The following NAA16 variants were observed in gnomAD, a reference collection of about 807,000 sequenced individuals.
NAA16 encodes N-alpha-acetyltransferase 16, NatA auxiliary subunit, also known as NARG1-like protein.
A neutral mutation model predicts 110.3 loss-of-function variants in NAA16; 97 were observed. The ratio of observed to expected loss-of-function variants is 0.88; its 90% CI spans 0.75 to 1.04. The LOEUF (loss-of-function observed/expected upper bound fraction) is 1.04. Among genes scored for constraint, NAA16 ranks in the 50% least tolerant of loss-of-function variants. NAA16 has a pLI of 0.00. For synonymous variants in NAA16, 372 were observed against 330.6 expected (o/e 1.13, Z -1.36); for missense variants, 1,017 against 1,005.1 (o/e 1.01, Z -0.16).
chr13:41,317,332 T>C (rs1318147239), intron 2 of NAA16, among the ~76,000 whole-genome samples: 2 of 151,612 alleles, frequency 1.3e-5, no homozygotes, highest in African/African-American at 4.9e-5. Flanking sequence ...TAGATGTGTT[T>C]TGTTTTGTTT....
At chr13:41,319,916 G>A (rs1432532773) in intron 3 of NAA16, among the ~76,000 whole-genome samples, 2 of 127,054 alleles carry the variant, frequency 1.6e-5, no homozygotes, top group East Asian at 2.3e-4. Context: ...TTCACATATT[G>A]CCCTTGCATT....
chr13:41,350,114 T>A (rs1413713371), intron 9 of NAA16, among the ~76,000 whole-genome samples: 2 of 151,124 alleles, frequency 1.3e-5, no homozygotes, highest in African/African-American at 4.9e-5. Context: ...TACAAAAAAA[T>A]ACAAAAATCA....
rs74320455 is a variant in NAA16, at chr13:41,374,249, A to T, written c.2299+469A>T. Among the ~76,000 whole-genome samples the T allele has an allele frequency of 7.0e-3, 1,050 of 150,848 alleles. 16 individuals carry two copies. Among genetic ancestry groups the T allele is most frequent in the African/African-American group, 0.024 (970 of 40,828 alleles). Reference sequence around the variant, plus strand: ...TATAAACTGTGTTTCATTTTTTAAAATTTTACTTTCTTTTTGAATATGCAA... The same window carrying T: ...TATAAACTGTGTTTCATTTTTTAAATTTTTACTTTCTTTTTGAATATGCAA... On this transcript the variant is annotated intron_variant, in intron 18 of 19. Transcript: ENST00000379406.
chr13:41,370,519 G>T (rs1033497414), intron 15 of NAA16, among the ~76,000 whole-genome samples: 1 of 152,168 alleles, frequency 6.6e-6, no homozygotes, highest in Non-Finnish European at 1.5e-5. Context: ...TAACCCCTGA[G>T]CCTTGAAGGG....
rs141280582 is a variant in NAA16 at position 41,325,779 on chromosome 13, C to T, written c.619C>T (p.Gln207Ter). 2 of 1,606,556 alleles carry T rather than the reference C, an allele frequency of 1.2e-6. No individual in the cohort carries two copies. Among genetic ancestry groups the T allele is most frequent in the Non-Finnish European group, 1.7e-6 (2 of 1,174,380 alleles). ...NQVMREADLL[Q>*]ESLEHIEMYE... Reference sequence around the variant, plus strand: ...AGTGATGAGAGAGGCAGATCTGTTGCAGGAATCTTTGGAACATATAGAAAT... The same window carrying T: ...AGTGATGAGAGAGGCAGATCTGTTGTAGGAATCTTTGGAACATATAGAAAT... Residue 207 changes from glutamine to a stop codon, truncating the protein, a stop_gained, in exon 6 of 20, where the codon CAG becomes TAG. Coordinates refer to ENST00000379406, the MANE Select transcript of NAA16 (RefSeq NM_024561.5). LOFTEE classifies it high-confidence loss of function.
At chr13:41,348,652 C>T (rs2042747335) in intron 9 of NAA16, among the ~76,000 whole-genome samples, 1 of 152,042 alleles carries the variant, frequency 6.6e-6, no homozygotes, top group South Asian at 2.1e-4. Flanking sequence ...ATACTGGCCT[C>T]ATAATGAATT....
rs373356877 is a variant in NAA16, at chr13:41,328,449, TA to T, written c.692-273del. Among the ~76,000 whole-genome samples the T allele has an allele frequency of 5.1e-4, 77 of 152,282 alleles. 3 individuals are homozygous for T. The East Asian group carries it at 0.014, about 27-fold the overall frequency. On this transcript the variant is annotated intron_variant, in intron 6 of 19. Transcript: ENST00000379406. The stretch of plus-strand genomic sequence containing the variant: ...GTGTCTTTACTTATTTCAAAGAGTA[TA>T]AGATGTGTGTAATGCAAAAGTTTTT...
intron 12 of NAA16, among the ~76,000 whole-genome samples, chr13:41,361,625 T>C (rs1342762142): frequency 2.6e-5 from 4 of 152,216 alleles, no homozygotes; most frequent in Non-Finnish European, 1.5e-5. Flanking sequence ...GTTTTCCATC[T>C]GATAACTGAG....
intron 1 of NAA16, among the ~76,000 whole-genome samples, chr13:41,314,321 A>T (rs545140078): frequency 3.3e-5 from 5 of 152,146 alleles, no homozygotes; most frequent in Non-Finnish European, 7.4e-5. Flanking sequence ...TAGTATTTCT[A>T]TTTGTCTTTC....
rs1056922763 is a variant in NAA16, at chr13:41,375,822, G to A, written c.*220G>A. The A allele has an allele frequency of 1.7e-5, 7 of 415,622 alleles. No individual in the cohort carries two copies. The Admixed American group carries it at 2.0e-4, about 12-fold the overall frequency. 25.7% of individuals were successfully genotyped at this position (415,622 alleles called of 1,614,324 possible). A position where few individuals can be genotyped will look rare whatever the true frequency, so the allele number is the denominator to read the frequency against. On this transcript the variant is annotated 3_prime_UTR_variant, in exon 20 of 20. Coordinates refer to ENST00000379406, the MANE Select transcript of NAA16 (RefSeq NM_024561.5). Reference sequence around the variant, plus strand: ...TCTTACACAGTTTTGTGGTAGCTCCGATCGCTTCTGTATAATTATAATTTC... The same window carrying A: ...TCTTACACAGTTTTGTGGTAGCTCCAATCGCTTCTGTATAATTATAATTTC...
rs57803808 is a variant in NAA16 at position 41,335,683 on chromosome 13, A to G, written c.908-967A>G. 1.4e-4 allele frequency among the ~76,000 whole-genome samples: 22 copies of G among 152,306 alleles called. No homozygotes were observed. The East Asian group carries it at 4.0e-3, about 28-fold the overall frequency. Reference sequence around the variant, plus strand: ...ATAGTTAATGGAGTTAAATTTTTTTATGACATCTAATTATATTGAGTATGC... The same window carrying G: ...ATAGTTAATGGAGTTAAATTTTTTTGTGACATCTAATTATATTGAGTATGC... On this transcript the variant is annotated intron_variant, in intron 8 of 19. Transcript: ENST00000379406.
chr13:41,311,607 C>A (rs755539002), intron 1 of NAA16, 25 bp downstream of exon 1: 9 of 1,596,832 alleles, frequency 5.6e-6, no homozygotes, highest in Non-Finnish European at 7.7e-6. Flanking sequence ...GCCGCGCTGC[C>A]GCCCCCCGGT....
chr13:41,319,390 TTAATATA>T (rs1345222176), intron 3 of NAA16, among the ~76,000 whole-genome samples: 1 of 152,270 alleles, frequency 6.6e-6, no homozygotes, highest in Non-Finnish European at 1.5e-5. Context: ...CAGATTTTAC[TTAATATA>T]TAAGTATGAT....
intron 8 of NAA16, among the ~76,000 whole-genome samples, 173 bp downstream of exon 8, chr13:41,331,542 A>G (rs1306135228): frequency 6.6e-6 from 1 of 152,104 alleles, no homozygotes; most frequent in Non-Finnish European, 1.5e-5. Flanking sequence ...TGTGTAGTTA[A>G]ATGTTGATTT....
chr13:41,364,012 T>G (rs1334979299), intron 13 of NAA16, among the ~76,000 whole-genome samples: 1 of 152,112 alleles, frequency 6.6e-6, no homozygotes, highest in African/African-American at 2.4e-5. Context: ...GATTAATGCT[T>G]CTTAATTTTT....
rs925165422 is a variant in NAA16 at position 41,362,125 on chromosome 13, G to A, written c.1505G>A (p.Gly502Glu). 1.2e-6 allele frequency: 2 copies of A among 1,607,024 alleles called. No homozygotes were observed. Among genetic ancestry groups the A allele is most frequent in the African/African-American group, 2.7e-5 (2 of 74,368 alleles). ...GCTTATCAGCGTCTGGGGAGATACG[G>A]GGATGCCTTGAAAAAATGTCATGAA... ...ISAYQRLGRYGDALKKCHEVE... is the reference protein window; with the variant it reads ...ISAYQRLGRYEDALKKCHEVE... Residue 502 changes from glycine (G) to glutamate (E), a missense_variant, in exon 13 of 20, where the codon GGG becomes GAG. Transcript: ENST00000379406.
rs572076673 is a variant in NAA16, at chr13:41,366,777, A to C, written c.1540-662A>C. Among the ~76,000 whole-genome samples, 6 of 150,852 alleles carry C rather than the reference A, an allele frequency of 4.0e-5. No individual in the cohort carries two copies. The South Asian group carries it at 1.3e-3, about 32-fold the overall frequency. On this transcript the variant is annotated intron_variant, in intron 13 of 19. Transcript: ENST00000379406. The stretch of plus-strand genomic sequence containing the variant: ...GTTTACTGTTGAAAATGAACTTTAA[A>C]ATACATTATTTGATCCTTTAACAAC...
intron 13 of NAA16, chr13:41,362,804 C>T: frequency 7.8e-7 from 1 of 1,289,722 alleles, no homozygotes; most frequent in Non-Finnish European, 1.0e-6. Flanking sequence ...CAGCAGCCCT[C>T]AGTTGTGGGG....
rs566989431 is a variant in NAA16 at position 41,331,103 on chromosome 13, T to G, written c.812-171T>G. On this transcript the variant is annotated intron_variant, in intron 7 of 19. Coordinates refer to ENST00000379406, the MANE Select transcript of NAA16 (RefSeq NM_024561.5). Reference sequence around the variant, plus strand: ...AGTTTAAAACAGTGACTTAACTGATTATAGTATTTTGCCACCACAGAGTTT... The same window carrying G: ...AGTTTAAAACAGTGACTTAACTGATGATAGTATTTTGCCACCACAGAGTTT... Among the ~76,000 whole-genome samples the G allele has an allele frequency of 1.9e-4, 29 of 152,228 alleles. No individual in the cohort carries two copies. The East Asian group carries it at 4.8e-3, about 25-fold the overall frequency.
Sources: allele counts gnomAD v4.1 joint callset (sites outside exome capture counted in the v4.1 genomes callset), GRCh38; gene constraint gnomAD v4.1.1; transcripts MANE v1.5; gene names NCBI Gene and HGNC (gene_info 2026-07-23, HGNC 2026-07-21).